The following ANKRD44 variants were observed in gnomAD, a reference collection of about 807,000 sequenced individuals.
ANKRD44 encodes serine/threonine-protein phosphatase 6 regulatory ankyrin repeat subunit B.
Under a neutral mutation model 116.0 loss-of-function variants are expected in ANKRD44, and 35 were observed. The observed-to-expected ratio is 0.30, with a 90% CI of 0.23 to 0.40. The LOEUF is 0.40. Ranked by LOEUF, ANKRD44 falls within the 10% of genes least tolerant of loss-of-function variation. ANKRD44 has a pLI of 1.00. For synonymous variants in ANKRD44, 435 were observed against 461.8 expected, an observed-to-expected ratio of 0.94 and a Z score of 0.74; for missense variants, 1,014 against 1,242.6, an observed-to-expected ratio of 0.82 and a Z score of 2.77.
At chr2:197,014,352 G>C (rs1261773845) in intron 17 of ANKRD44, among the ~76,000 whole-genome samples, 2 of 152,150 alleles carry the variant, frequency 1.3e-5, no homozygotes, top group Non-Finnish European at 2.9e-5. Context: ...AAAATATCTT[G>C]CATGTAGCTA....
chr2:197,259,862 T>G (rs2082550175), intron 1 of ANKRD44, among the ~76,000 whole-genome samples: 1 of 152,134 alleles, frequency 6.6e-6, no homozygotes, highest in African/African-American at 2.4e-5. Context: ...TTGAAAAGAA[T>G]ATGGTTGAGG....
chr2:197,123,657 G>T (rs1574499191), intron 6 of ANKRD44, among the ~76,000 whole-genome samples: 1 of 152,108 alleles, frequency 6.6e-6, no homozygotes, highest in South Asian at 2.1e-4. Flanking sequence ...AATAAACAAA[G>T]AAACAAGCAT....
chr2:197,178,560 A>C (rs1393290528), intron 2 of ANKRD44, among the ~76,000 whole-genome samples: 1 of 152,230 alleles, frequency 6.6e-6, no homozygotes, highest in African/African-American at 2.4e-5. Flanking sequence ...GTTGAGAAAA[A>C]GATAAATAAC....
chr2:197,084,498 G>C (rs566880758), intron 13 of ANKRD44, among the ~76,000 whole-genome samples: 2 of 152,258 alleles, frequency 1.3e-5, no homozygotes, highest in African/African-American at 2.4e-5. Flanking sequence ...TTGAGGGTAG[G>C]GATGTTGGTT....
At chr2:197,264,978 C>T (rs1051089856) in intron 1 of ANKRD44, among the ~76,000 whole-genome samples, 5 of 152,024 alleles carry the variant, frequency 3.3e-5, no homozygotes, top group Non-Finnish European at 5.9e-5. Context: ...AAAATAAAAA[C>T]GATAGTTGGC....
At chr2:197,110,503 C>T (rs1022775993) in intron 9 of ANKRD44, among the ~76,000 whole-genome samples, 2 of 152,156 alleles carry the variant, frequency 1.3e-5, no homozygotes, top group African/African-American at 4.8e-5. Context: ...TACATAAATA[C>T]ATCATTTCCA....
chr2:197,050,648 C>G (rs1328148419), intron 16 of ANKRD44, among the ~76,000 whole-genome samples: 1 of 152,088 alleles, frequency 6.6e-6, no homozygotes, highest in Non-Finnish European at 1.5e-5. Flanking sequence ...GTCTTGAACT[C>G]CTGACCTCAA....
rs2075961151 is a variant in ANKRD44 at position 196,993,679 on chromosome 2, A to G, written c.2832-5T>C. On this transcript the variant is annotated splice_region_variant and splice_polypyrimidine_tract_variant and intron_variant, in intron 26 of 27. Coordinates refer to ENST00000282272, the MANE Select transcript of ANKRD44 (RefSeq NM_001195144.2). ...CGCGCAGCGACGTGGAGGGGTCTAAAAAACACAAGACCGAGCATCAGTTGT... is the reference window on the plus strand; with the variant it reads ...CGCGCAGCGACGTGGAGGGGTCTAAGAAACACAAGACCGAGCATCAGTTGT... 1 of 1,550,392 alleles carries G rather than the reference A, an allele frequency of 6.4e-7. No individual in the cohort carries two copies. Among genetic ancestry groups the G allele is most frequent in the Non-Finnish European group, 8.7e-7 (1 of 1,146,620 alleles).
At chr2:197,138,130 C>T (rs756571896) in intron 3 of ANKRD44, among the ~76,000 whole-genome samples, 1 of 152,174 alleles carries the variant, frequency 6.6e-6, no homozygotes, top group Non-Finnish European at 1.5e-5. Flanking sequence ...ACTTCTCTAC[C>T]CATTTCACCA....
chr2:197,118,375 C>A (rs1307564908), intron 8 of ANKRD44, among the ~76,000 whole-genome samples: 1 of 151,480 alleles, frequency 6.6e-6, no homozygotes, highest in Non-Finnish European at 1.5e-5. Flanking sequence ...ATTGCTTGAG[C>A]TCAGGAGTTA....
At chr2:197,162,732 A>T (rs183356472) in intron 2 of ANKRD44, among the ~76,000 whole-genome samples, 13 of 152,188 alleles carry the variant, frequency 8.5e-5, no homozygotes, top group Non-Finnish European at 1.8e-4. Context: ...CAGTACCATC[A>T]CATCTAACTG....
At chr2:197,033,504 G>A (rs542651603) in intron 16 of ANKRD44, among the ~76,000 whole-genome samples, 1 of 152,294 alleles carries the variant, frequency 6.6e-6, no homozygotes, top group Non-Finnish European at 1.5e-5. Flanking sequence ...CACACAGCCA[G>A]TAAAGGACAG....
At chr2:197,043,151 T>G (rs1328224463) in intron 16 of ANKRD44, among the ~76,000 whole-genome samples, 2 of 152,212 alleles carry the variant, frequency 1.3e-5, no homozygotes, top group African/African-American at 4.8e-5. Flanking sequence ...TAAACGGGTT[T>G]AAGAAGAGAG....
chr2:197,032,061 C>A (rs2076717826), intron 16 of ANKRD44, among the ~76,000 whole-genome samples: 4 of 152,186 alleles, frequency 2.6e-5, no homozygotes, highest in Admixed American at 2.6e-4. Context: ...AACACAGAAT[C>A]ATTTCCCCCA....
chr2:196,995,721 T>G (rs1320334391), intron 25 of ANKRD44, among the ~76,000 whole-genome samples: 1 of 152,158 alleles, frequency 6.6e-6, no homozygotes, highest in Non-Finnish European at 1.5e-5. Context: ...ATTTTAAAAT[T>G]AATCCCCAGA....
intron 2 of ANKRD44, among the ~76,000 whole-genome samples, chr2:197,160,510 AT>A (rs2079933627): frequency 6.6e-6 from 1 of 152,170 alleles, no homozygotes; most frequent in Non-Finnish European, 1.5e-5. Flanking sequence ...CAACCATTGC[AT>A]CTTGTATCCT....
chr2:197,064,015 T>G (rs7420953), intron 16 of ANKRD44, among the ~76,000 whole-genome samples: 109,001 of 151,450 alleles, frequency 0.72, 40,603 homozygotes, highest in East Asian at 0.86. Context: ...TCACCAAAGA[T>G]GAAATGAAGG....
chr2:197,138,808 C>A (rs751934756), intron 3 of ANKRD44, among the ~76,000 whole-genome samples: 1 of 151,990 alleles, frequency 6.6e-6, no homozygotes, highest in Non-Finnish European at 1.5e-5. Flanking sequence ...CATATGCAGT[C>A]CTAGAGAGCT....
At chr2:197,245,115 C>G (rs1351723235) in intron 1 of ANKRD44, among the ~76,000 whole-genome samples, 1 of 152,088 alleles carries the variant, frequency 6.6e-6, no homozygotes, top group Non-Finnish European at 1.5e-5. Flanking sequence ...CAAAAATTAG[C>G]CAGGAATGGT....
Sources: gnomAD v4.1 joint callset for allele counts (sites outside exome capture counted in the v4.1 genomes callset) on GRCh38, gnomAD v4.1.1 for gene constraint, MANE v1.5 for transcripts, NCBI Gene and HGNC (gene_info 2026-07-23, HGNC 2026-07-21) for gene names.